Variants in IL12RB2 observed in about 807,000 individuals in gnomAD.
IL12RB2 encodes interleukin-12 receptor subunit beta-2.
IL12RB2 carries 82 observed loss-of-function variants against 89.4 expected under a neutral mutation model. The observed-to-expected ratio is 0.92, with a 90% CI of 0.77 to 1.10. IL12RB2 has a LOEUF of 1.10. Ranked by LOEUF, IL12RB2 falls within the 50% of genes least tolerant of loss-of-function variation. The pLI, the probability that IL12RB2 is intolerant of heterozygous loss-of-function variation, is 0.00. For synonymous variants in IL12RB2, 368 were observed against 370.1 expected, an observed-to-expected ratio of 0.99 and a Z score of 0.07; for missense variants, 963 against 1,031.9, an observed-to-expected ratio of 0.93 and a Z score of 0.92.
At chr1:67,340,455 A>G (rs1455415985) in intron 9 of IL12RB2, among the ~76,000 whole-genome samples, 1 of 152,266 alleles carries the variant, frequency 6.6e-6, no homozygotes. Context: ...TGATCTGGAA[A>G]GATATGCTAC....
chr1:67,318,515 T>C lies in IL12RB2; in HGVS notation c.-36-1818T>C, dbSNP rs568374274. Among the ~76,000 whole-genome samples, 5 of 152,114 alleles carry C rather than the reference T, an allele frequency of 3.3e-5. 1 individual carries two copies. The East Asian group carries it at 9.7e-4, about 29-fold the overall frequency. Reference sequence around the variant, plus strand: ...AGGGGACAGTTGGAATGGAGAGAAGTGCATTGATCTGTAACATATTTTGGA... The same window carrying C: ...AGGGGACAGTTGGAATGGAGAGAAGCGCATTGATCTGTAACATATTTTGGA... On this transcript the variant is annotated intron_variant, in intron 2 of 16. Transcript: ENST00000674203.
At chr1:67,312,625 T>C (rs1386280635) in intron 1 of IL12RB2, among the ~76,000 whole-genome samples, 2 of 124,224 alleles carry the variant, frequency 1.6e-5, no homozygotes, top group Non-Finnish European at 3.4e-5. Flanking sequence ...GAAACAACAT[T>C]CCAGAAAAAA....
rs372604416 is a variant in IL12RB2, at chr1:67,320,505, A to T, written c.76+61A>T. On this transcript the variant is annotated intron_variant, in intron 3 of 16. Transcript: ENST00000674203. ...TTGTGGTTTAAATTCTCAGTTACAG[A>T]TGAAGTATGTATTTGTGGTAAATGT... 5.8e-5 allele frequency: 94 copies of T among 1,609,964 alleles called. No homozygotes were observed. In the African/African-American group the frequency reaches 1.1e-3, roughly 19 times the overall value.
chr1:67,345,977 T>C (rs1280185361), intron 9 of IL12RB2, among the ~76,000 whole-genome samples: 1 of 152,154 alleles, frequency 6.6e-6, no homozygotes, highest in African/African-American at 2.4e-5. Flanking sequence ...CCAAACAAGA[T>C]AGAAATCATT....
intron 9 of IL12RB2, 59 bp from the exon 10 acceptor site, chr1:67,350,811 C>T (rs1660743925): frequency 1.2e-6 from 2 of 1,600,404 alleles, no homozygotes; most frequent in Non-Finnish European, 1.7e-6. Flanking sequence ...GAGGTCCAGG[C>T]ACAGAGCATC....
chr1:67,363,600 G>A (rs1222532991), intron 10 of IL12RB2, among the ~76,000 whole-genome samples: 2 of 152,128 alleles, frequency 1.3e-5, no homozygotes, highest in African/African-American at 4.8e-5. Flanking sequence ...ACATATGTTT[G>A]TGTATTATAA....
Position 67,326,646 on chromosome 1 carries a change from G to T in IL12RB2, c.365-89G>T, listed in dbSNP as rs913135143. On this transcript the variant is annotated intron_variant, in intron 4 of 16. Transcript: ENST00000674203. ...TTACCTGGGTTTACGGCATGTGGGGGACGTATTGTCATGTTGATGGCAGAT... is the reference window on the plus strand; with the variant it reads ...TTACCTGGGTTTACGGCATGTGGGGTACGTATTGTCATGTTGATGGCAGAT... The T allele has an allele frequency of 1.2e-5, 19 of 1,542,370 alleles. No homozygotes were observed. The African/African-American group carries it at 1.4e-4, about 11-fold the overall frequency.
At position 67,330,856 on chromosome 1, in the gene IL12RB2, A is replaced by G. The variant is rs760922380; in HGVS notation, c.958+46A>G. 1.3e-5 allele frequency: 13 copies of G among 1,021,966 alleles called. No individual in the cohort carries two copies. The African/African-American group carries it at 2.0e-4, about 16-fold the overall frequency. 63.3% of individuals were successfully genotyped at this position (1,021,966 alleles called of 1,614,324 possible). A position where few individuals can be genotyped will look rare whatever the true frequency, so the allele number is the denominator to read the frequency against. On this transcript the variant is annotated intron_variant, in intron 8 of 16. Transcript: ENST00000674203. Reference sequence around the variant, plus strand: ...TACCTATCGGGGAGCAATAAAGGGGAGAGAGGGGGGAAGATGTAATGATTT... The same window carrying G: ...TACCTATCGGGGAGCAATAAAGGGGGGAGAGGGGGGAAGATGTAATGATTT...
chr1:67,364,600 A>G (rs536096621), intron 10 of IL12RB2, among the ~76,000 whole-genome samples: 1 of 152,334 alleles, frequency 6.6e-6, no homozygotes, highest in East Asian at 1.9e-4. Context: ...AAACATAACA[A>G]TCTTTAATGT....
intron 3 of IL12RB2, among the ~76,000 whole-genome samples, chr1:67,320,988 C>T (rs1035180455): frequency 6.7e-5 from 10 of 148,594 alleles, no homozygotes; most frequent in South Asian, 6.6e-4. Context: ...TGAGAACATC[C>T]GCTGTTTGGT....
intron 16 of IL12RB2, 124 bp from the exon 17 acceptor site, chr1:67,395,423 C>T: frequency 6.3e-7 from 1 of 1,584,896 alleles, no homozygotes; most frequent in Non-Finnish European, 8.6e-7. Flanking sequence ...CTCCAGTGCC[C>T]AACATGTTCC....
chr1:67,347,086 G>C (rs1208632719), intron 9 of IL12RB2, among the ~76,000 whole-genome samples: 1 of 152,076 alleles, frequency 6.6e-6, no homozygotes, highest in Admixed American at 6.6e-5. Context: ...GGGCACTGAG[G>C]CTCAAAAAGG....
At chr1:67,308,588 C>T (rs1018251630) in intron 1 of IL12RB2, among the ~76,000 whole-genome samples, 3 of 152,180 alleles carry the variant, frequency 2.0e-5, no homozygotes, top group Admixed American at 2.0e-4. Flanking sequence ...AATGCCCCTT[C>T]CTTTGTGAAC....
chr1:67,382,526 T>A (rs1353480877), intron 14 of IL12RB2, among the ~76,000 whole-genome samples: 2 of 152,172 alleles, frequency 1.3e-5, no homozygotes, highest in Non-Finnish European at 2.9e-5. Flanking sequence ...TTTACCCATC[T>A]AGTTTGATCC....
At chr1:67,390,275 T>C (rs2100286571) in intron 16 of IL12RB2, 147 bp downstream of exon 16, 1 of 660,486 alleles carries the variant, frequency 1.5e-6, no homozygotes, top group Non-Finnish European at 2.8e-6. Flanking sequence ...TGAGTCATCA[T>C]TCTCATTTTA....
intron 8 of IL12RB2, among the ~76,000 whole-genome samples, chr1:67,335,049 A>G (rs1658586485): frequency 6.6e-6 from 1 of 152,152 alleles, no homozygotes; most frequent in East Asian, 1.9e-4. Flanking sequence ...TCTCTCCTTC[A>G]CTTGTTCTCC....
chr1:67,338,736 G>A (rs779361557), intron 9 of IL12RB2, 33 bp downstream of exon 9: 2 of 984,770 alleles, frequency 2.0e-6, no homozygotes, highest in Admixed American at 1.7e-5. Context: ...AAACTCAAGG[G>A]AATAAAACTG....
chr1:67,360,577 C>T (rs543017417), intron 10 of IL12RB2, among the ~76,000 whole-genome samples: 1 of 152,104 alleles, frequency 6.6e-6, no homozygotes, highest in African/African-American at 2.4e-5. Context: ...AGGCAGATCA[C>T]TTGAGGTCAG....
intron 4 of IL12RB2, among the ~76,000 whole-genome samples, chr1:67,324,275 T>C (rs1439774436): frequency 6.6e-6 from 1 of 152,186 alleles, no homozygotes; most frequent in African/African-American, 2.4e-5. Flanking sequence ...CAAGCTGGAG[T>C]GCGGTGGCGC....
Sources: gnomAD v4.1 joint callset for allele counts (sites outside exome capture counted in the v4.1 genomes callset) on GRCh38, gnomAD v4.1.1 for gene constraint, MANE v1.5 for transcripts, NCBI Gene and HGNC (gene_info 2026-07-23, HGNC 2026-07-21) for gene names.